UBE2G1: variants seen among roughly 807,000 people sequenced by gnomAD.
UBE2G1 encodes ubiquitin-conjugating enzyme E2 G1.
Under a neutral mutation model 22.7 loss-of-function variants are expected in UBE2G1, and 5 were observed. The ratio of observed to expected loss-of-function variants is 0.22; its 90% CI spans 0.12 to 0.46. The LOEUF (loss-of-function observed/expected upper bound fraction) is 0.46, where lower values mean the gene tolerates loss of function less well. Among genes scored for constraint, UBE2G1 ranks in the 20% least tolerant of loss-of-function variants. The pLI, the probability that UBE2G1 is intolerant of heterozygous loss-of-function variation, is 0.99. For missense variants in UBE2G1, 88 were observed against 203.9 expected (o/e 0.43, Z 3.46); for synonymous variants, 74 against 67.5 (o/e 1.10, Z -0.47).
chr17:4,335,967 G>A (rs1360779429), intron 1 of UBE2G1, among the ~76,000 whole-genome samples: 2 of 152,070 alleles, frequency 1.3e-5, no homozygotes, highest in Non-Finnish European at 2.9e-5. Flanking sequence ...CCAACATGGT[G>A]AAATCCCATC....
rs1317823289 is a variant in UBE2G1, at chr17:4,353,460, TATAC to T, written c.46+12807_46+12810del. On this transcript the variant is annotated intron_variant, in intron 1 of 5. Coordinates refer to ENST00000396981, the MANE Select transcript of UBE2G1 (RefSeq NM_003342.5). ...ATAGAGTTTCGTTGATATATATATA[TATAC>T]ACACACACACACACACACACATATA... Among the ~76,000 whole-genome samples the T allele has an allele frequency of 1.4e-3, 191 of 133,446 alleles. 2 individuals are homozygous for T. Among genetic ancestry groups the T allele is most frequent in the African/African-American group, 3.7e-3 (127 of 33,872 alleles). 87.5% of individuals were successfully genotyped at this position (133,446 alleles called of 152,430 possible).
intron 1 of UBE2G1, 146 bp from the exon 2 acceptor site, chr17:4,307,269 G>T: frequency 1.5e-6 from 1 of 659,496 alleles, no homozygotes; most frequent in Non-Finnish European, 2.6e-6. Context: ...CTACTTGATG[G>T]CCAAAACATT....
At chr17:4,276,545 T>C (rs1488490891) in intron 5 of UBE2G1, among the ~76,000 whole-genome samples, 4 of 152,196 alleles carry the variant, frequency 2.6e-5, no homozygotes, top group African/African-American at 9.7e-5. Context: ...CAGGTCAGTA[T>C]AGTGTATCTA....
chr17:4,301,522 C>T (rs1969179976), intron 2 of UBE2G1: 2 of 1,159,720 alleles, frequency 1.7e-6, no homozygotes, highest in South Asian at 2.4e-5. Context: ...CAGGTGAACA[C>T]CATGAAATTC....
intron 1 of UBE2G1, among the ~76,000 whole-genome samples, chr17:4,314,958 T>A (rs1241144188): frequency 1.3e-5 from 2 of 152,232 alleles, no homozygotes; most frequent in Non-Finnish European, 1.5e-5. Context: ...TTTTTAAATT[T>A]ATGACGATTA....
At chr17:4,346,561 A>C (rs951294054) in intron 1 of UBE2G1, among the ~76,000 whole-genome samples, 1 of 149,764 alleles carries the variant, frequency 6.7e-6, no homozygotes, top group Non-Finnish European at 1.5e-5. Flanking sequence ...TCAGCCTCCC[A>C]AGTGGCTGGG....
At chr17:4,338,177 A>AG (rs1969671256) in intron 1 of UBE2G1, among the ~76,000 whole-genome samples, 1 of 152,112 alleles carries the variant, frequency 6.6e-6, no homozygotes, top group African/African-American at 2.4e-5. Context: ...CTCAAAAAAA[A>AG]AAAAACGAAA....
chr17:4,317,880 C>T (rs1170495787), intron 1 of UBE2G1, among the ~76,000 whole-genome samples: 2 of 152,146 alleles, frequency 1.3e-5, no homozygotes, highest in Admixed American at 6.6e-5. Context: ...CTCACAATAC[C>T]GAAATTATGC....
At chr17:4,329,109 G>GAAAAAAAAAAAAAAAAAAAAAAAAAAAA (rs56962666) in intron 1 of UBE2G1, among the ~76,000 whole-genome samples, 1 of 91,760 alleles carries the variant, frequency 1.1e-5, no homozygotes, top group Non-Finnish European at 2.1e-5. Context: ...GTCTCAAAAA[G>GAAAAAAAAAAAAAAAAAAAAAAAAAAAA]AAAAAAAAAA....
At chr17:4,339,246 A>G (rs1969683650) in intron 1 of UBE2G1, among the ~76,000 whole-genome samples, 1 of 151,968 alleles carries the variant, frequency 6.6e-6, no homozygotes, top group Non-Finnish European at 1.5e-5. Context: ...GCCACATAGC[A>G]TAGAGGTTAA....
rs975990232 is a variant in UBE2G1, at chr17:4,308,331, C to A, written c.47-1208G>T. Among the ~76,000 whole-genome samples, 4 of 151,018 alleles carry A rather than the reference C, an allele frequency of 2.6e-5. No individual in the cohort carries two copies. In the East Asian group the frequency reaches 5.8e-4, roughly 22 times the overall value. ...TCGCGCCATTGCACTCCAGCCCGGG[C>A]AACAAGGGCAAAACTCTGTCTCAAA... On this transcript the variant is annotated intron_variant, in intron 1 of 5. Transcript: ENST00000396981.
intron 5 of UBE2G1, among the ~76,000 whole-genome samples, chr17:4,278,111 G>A (rs1968842385): frequency 1.3e-5 from 2 of 152,224 alleles, no homozygotes; most frequent in Non-Finnish European, 2.9e-5. Flanking sequence ...TGTTGGCCAG[G>A]CTGGTCTTGA....
chr17:4,330,286 G>A (rs901500506), intron 1 of UBE2G1, among the ~76,000 whole-genome samples: 2 of 152,010 alleles, frequency 1.3e-5, no homozygotes, highest in African/African-American at 2.4e-5. Context: ...ATCAACTGCC[G>A]CCAAGTTTCT....
At chr17:4,324,934 G>A (rs1290891461) in intron 1 of UBE2G1, among the ~76,000 whole-genome samples, 21 of 151,968 alleles carry the variant, frequency 1.4e-4, no homozygotes, top group African/African-American at 2.4e-4. Flanking sequence ...AAAATTAGCC[G>A]GGCGTGGTGG....
rs112672941 is a variant in UBE2G1, at chr17:4,298,472, T to A, written c.150-1658A>T. On this transcript the variant is annotated intron_variant, in intron 2 of 5. Coordinates refer to ENST00000396981, the MANE Select transcript of UBE2G1 (RefSeq NM_003342.5). The stretch of plus-strand genomic sequence containing the variant: ...ACTCTCTGCTCTTTTTAATATAGCT[T>A]GAACTGTTCACAAGCAAGTATGAAT... 1.3e-3 allele frequency among the ~76,000 whole-genome samples: 191 copies of A among 152,342 alleles called. 2 individuals are homozygous for A. The highest frequency in any genetic ancestry group is 4.4e-3 in the African/African-American group (181 of 41,562).
At chr17:4,279,850 A>C (rs965508580) in intron 5 of UBE2G1, among the ~76,000 whole-genome samples, 61 of 147,076 alleles carry the variant, frequency 4.1e-4, no homozygotes, top group African/African-American at 1.5e-3. Flanking sequence ...AGTTTGTCCA[A>C]AGGATACCAC....
At chr17:4,279,109 T>C (rs1968853042) in intron 5 of UBE2G1, among the ~76,000 whole-genome samples, 1 of 151,986 alleles carries the variant, frequency 6.6e-6, no homozygotes, top group Non-Finnish European at 1.5e-5. Context: ...ATCCCATCTC[T>C]ACTAAAAAAT....
rs1331795392 is a variant in UBE2G1, at chr17:4,272,100, T to C, written c.*454A>G. ...ATTAAATGGAAACTTTTAATCCTAA[T>C]TGCTTTTCATCTGACATGCTTAAAG... is the stretch of plus-strand genomic sequence containing the variant. On this transcript the variant is annotated 3_prime_UTR_variant, in exon 6 of 6. Transcript: ENST00000396981. 1.3e-5 allele frequency: 2 copies of C among 152,642 alleles called. No individual in the cohort carries two copies. Among genetic ancestry groups the C allele is most frequent in the African/African-American group, 2.4e-5 (1 of 41,460 alleles). The allele number at this position is 152,642 out of a possible 1,614,324, so 9.5% of individuals were successfully genotyped here.
chr17:4,276,915 T>C (rs1055667177), intron 5 of UBE2G1, among the ~76,000 whole-genome samples: 3 of 152,148 alleles, frequency 2.0e-5, no homozygotes, highest in South Asian at 2.1e-4. Context: ...AAAGAGCCAG[T>C]TGACCAAGCC....
Sources: allele counts gnomAD v4.1 joint callset (sites outside exome capture counted in the v4.1 genomes callset), GRCh38; gene constraint gnomAD v4.1.1; transcripts MANE v1.5; gene names NCBI Gene and HGNC (gene_info 2026-07-23, HGNC 2026-07-21).